Variants in C7orf57 observed in about 807,000 individuals in gnomAD.
The protein encoded by C7orf57 is chromosome 7 open reading frame 57.
A neutral mutation model predicts 39.0 loss-of-function variants in C7orf57; 33 were observed. The ratio of observed to expected loss-of-function variants is 0.85; its 90% CI spans 0.64 to 1.13. C7orf57 has a LOEUF of 1.13. Among genes scored for constraint, C7orf57 ranks in the 50% most tolerant of loss-of-function variants. The pLI is 0.00. For synonymous variants in C7orf57, 124 were observed against 137.1 expected (o/e 0.90, Z 0.67); for missense variants, 346 against 362.3 (o/e 0.95, Z 0.37).
At chr7:48,037,404 T>A (rs1790407615) in intron 2 of C7orf57, among the ~76,000 whole-genome samples, 1 of 152,204 alleles carries the variant, frequency 6.6e-6, no homozygotes, top group African/African-American at 2.4e-5. Context: ...TTGGAGTAAT[T>A]TGCCCAAGGT....
intron 5 of C7orf57, among the ~76,000 whole-genome samples, chr7:48,047,134 T>C (rs1790741060): frequency 6.6e-6 from 1 of 152,082 alleles, no homozygotes; most frequent in African/African-American, 2.4e-5. Flanking sequence ...ATGGAGAAAG[T>C]TGGAAGCAAT....
chr7:48,059,937 T>C (rs1269657112), intron 8 of C7orf57, among the ~76,000 whole-genome samples: 1 of 152,148 alleles, frequency 6.6e-6, no homozygotes, highest in East Asian at 1.9e-4. Context: ...ATAATTCTTA[T>C]CGGTGTGCTT....
chr7:48,051,770 C>CT (rs142660699), intron 6 of C7orf57, among the ~76,000 whole-genome samples: 16,065 of 53,888 alleles, frequency 0.3, 3,307 homozygotes, highest in Non-Finnish European at 0.46. Context: ...TTCTTTCTTT[C>CT]TTTCTTTCTT....
rs62447112 is a variant in C7orf57 at position 48,037,836 on chromosome 7, G to A, written c.55+1473G>A. On this transcript the variant is annotated intron_variant, in intron 2 of 8. Transcript: ENST00000348904. ...ACTGATCCAGGCCCTCATTCTCTGAGTGCCTCCTTTGTATGCATTTACAAA... is the reference window on the plus strand; with the variant it reads ...ACTGATCCAGGCCCTCATTCTCTGAATGCCTCCTTTGTATGCATTTACAAA... 2.7e-4 allele frequency among the ~76,000 whole-genome samples: 41 copies of A among 152,106 alleles called. 1 individual carries two copies. The South Asian group carries it at 8.5e-3, about 32-fold the overall frequency.
At chr7:48,048,455 G>C (rs1265569534) in intron 5 of C7orf57, among the ~76,000 whole-genome samples, 2 of 152,200 alleles carry the variant, frequency 1.3e-5, no homozygotes, top group Non-Finnish European at 2.9e-5. Context: ...CCTACAGGGT[G>C]ATCGGGGGAT....
intron 7 of C7orf57, among the ~76,000 whole-genome samples, chr7:48,053,919 G>C (rs115305025): frequency 0.022 from 3,410 of 152,266 alleles, 130 homozygotes; most frequent in African/African-American, 0.078. Context: ...TTGATTAAGA[G>C]GAAAGATGGC....
In C7orf57 at chr7:48,060,792, A is replaced by T. The variant is rs1791269136; in HGVS notation, c.*520A>T. 1 of 152,240 alleles carries T rather than the reference A, an allele frequency of 6.6e-6. No individual in the cohort carries two copies. The highest frequency in any genetic ancestry group is 1.5e-5 in the Non-Finnish European group (1 of 68,042). The allele number at this position is 152,240 out of a possible 1,614,324, so 9.4% of individuals were successfully genotyped here. On this transcript the variant is annotated 3_prime_UTR_variant, in exon 9 of 9. Coordinates refer to ENST00000348904, the MANE Select transcript of C7orf57 (RefSeq NM_001100159.3). ...AATTTATAAACATTTAATATAAAAC[A>T]TTATAACATTTGCTGTTTTAAAATT... is the stretch of plus-strand genomic sequence containing the variant.
intron 8 of C7orf57, among the ~76,000 whole-genome samples, chr7:48,056,524 A>G (rs981754796): frequency 6.6e-6 from 1 of 152,072 alleles, no homozygotes; most frequent in African/African-American, 2.4e-5. Flanking sequence ...GCCCAGACCA[A>G]TGCTGGGGAG....
chr7:48,047,970 A>G (rs1381800750), intron 5 of C7orf57, among the ~76,000 whole-genome samples: 1 of 152,244 alleles, frequency 6.6e-6, no homozygotes, highest in Non-Finnish European at 1.5e-5. Flanking sequence ...ACCTTTGGAT[A>G]TTAACCGTGG....
intron 2 of C7orf57, among the ~76,000 whole-genome samples, chr7:48,037,771 G>A (rs573877711): frequency 1.7e-4 from 26 of 152,126 alleles, no homozygotes; most frequent in East Asian, 9.7e-4. Flanking sequence ...GTGTGTGTGC[G>A]CGCGCGTGCG....
At position 48,060,275 on chromosome 7, in the gene C7orf57, C is replaced by T. The variant is rs1162487537; in HGVS notation, c.*3C>T. ...CAACACCAGCAGAGCTCAAATAAAT[C>T]CTGATGCAATATGTATTTAGGATAA... On this transcript the variant is annotated 3_prime_UTR_variant, in exon 9 of 9. Coordinates refer to ENST00000348904, the MANE Select transcript of C7orf57 (RefSeq NM_001100159.3). 9.9e-6 allele frequency: 15 copies of T among 1,522,092 alleles called. No individual in the cohort carries two copies. Among genetic ancestry groups the T allele is most frequent in the African/African-American group, 1.4e-5 (1 of 72,790 alleles). 94.3% of individuals were successfully genotyped at this position (1,522,092 alleles called of 1,614,324 possible). A position where few individuals can be genotyped will look rare whatever the true frequency, so the allele number is the denominator to read the frequency against.
At chr7:48,050,656 T>C (rs962555172) in intron 6 of C7orf57, among the ~76,000 whole-genome samples, 9 of 152,222 alleles carry the variant, frequency 5.9e-5, no homozygotes, top group Non-Finnish European at 8.8e-5. Flanking sequence ...TATGTGTTTA[T>C]ATATATGTAA....
chr7:48,052,798 A>G lies in C7orf57; in HGVS notation c.704A>G (p.Asp235Gly), dbSNP rs1790996170. Residue 235 changes from aspartate (D) to glycine (G), a missense_variant, in exon 7 of 9, where the codon GAC becomes GGC. Transcript: ENST00000348904. Reference protein sequence around the residue: ...WLQQQQRADSDKRTPKTSRAS... With the variant: ...WLQQQQRADSGKRTPKTSRAS... ...CAGCAGCAGCAGCGAGCTGACTCAG[A>G]CAAGAGGACCCCGAAGACCTCCAGG... The G allele has an allele frequency of 6.2e-7, 1 of 1,613,936 alleles. No homozygotes were observed.
chr7:48,058,657 A>G (rs909889315), intron 8 of C7orf57, among the ~76,000 whole-genome samples: 8 of 151,984 alleles, frequency 5.3e-5, no homozygotes, highest in Non-Finnish European at 7.4e-5. Flanking sequence ...AACATTTTTT[A>G]TCTCTTCTAT....
In C7orf57 at chr7:48,035,710, C is replaced by G; in HGVS notation, c.-102+80C>G. On this transcript the variant is annotated intron_variant, in intron 1 of 8. Transcript: ENST00000348904. This position sits in a 1 kb window ranked among gnomAD's most constrained non-coding sequence, Gnocchi z 4.0. Reference sequence around the variant, plus strand: ...TGTCCACTGTGCGGAGCTCGCAGTGCGGGCAGTGCGCGCCGGGGCTGGAGG... The same window carrying G: ...TGTCCACTGTGCGGAGCTCGCAGTGGGGGCAGTGCGCGCCGGGGCTGGAGG... 1.7e-6 allele frequency: 1 copy of G among 588,046 alleles called. No homozygotes were observed. Among genetic ancestry groups the G allele is most frequent in the Non-Finnish European group, 3.0e-6 (1 of 330,816 alleles). 36.4% of individuals were successfully genotyped at this position (588,046 alleles called of 1,614,324 possible). A position where few individuals can be genotyped will look rare whatever the true frequency, so the allele number is the denominator to read the frequency against.
Position 48,040,805 on chromosome 7 carries a change from T to C in C7orf57, c.56-529T>C, listed in dbSNP as rs546303678. Reference sequence around the variant, plus strand: ...CCTCTTCTCACTCTTGTGTTATTGGTAAATGTGTTCAAACAGGCTGTTATT... The same window carrying C: ...CCTCTTCTCACTCTTGTGTTATTGGCAAATGTGTTCAAACAGGCTGTTATT... On this transcript the variant is annotated intron_variant, in intron 2 of 8. Coordinates refer to ENST00000348904, the MANE Select transcript of C7orf57 (RefSeq NM_001100159.3). Among the ~76,000 whole-genome samples the C allele has an allele frequency of 1.3e-4, 20 of 152,324 alleles. No homozygotes were observed. The South Asian group carries it at 3.7e-3, about 28-fold the overall frequency.
At chr7:48,048,360 A>C (rs1327028053) in intron 5 of C7orf57, among the ~76,000 whole-genome samples, 1 of 152,166 alleles carries the variant, frequency 6.6e-6, no homozygotes, top group Admixed American at 6.5e-5. Context: ...CCCTGGCCTC[A>C]CACGGGACAC....
At chr7:48,041,559 G>A (rs1323464574) in intron 3 of C7orf57, 40 bp downstream of exon 3, 22 of 1,463,440 alleles carry the variant, frequency 1.5e-5, no homozygotes, top group Non-Finnish European at 1.9e-5. Flanking sequence ...GCAGCCTCGC[G>A]GGCGGTGAGG....
intron 5 of C7orf57, among the ~76,000 whole-genome samples, chr7:48,049,425 T>C (rs1024782371): frequency 5.3e-5 from 8 of 152,230 alleles, no homozygotes; most frequent in African/African-American, 1.9e-4. Flanking sequence ...CATGCTGTTC[T>C]GAGTGTCAGT....
Sources: gnomAD v4.1 joint callset for allele counts (sites outside exome capture counted in the v4.1 genomes callset) on GRCh38, gnomAD v4.1.1 for gene constraint, Gnocchi (gnomAD v3.1) non-coding constraint, MANE v1.5 for transcripts, NCBI Gene and HGNC (gene_info 2026-07-23, HGNC 2026-07-21) for gene names.